Variants in RFPL1 observed in about 807,000 individuals in gnomAD.
The protein encoded by RFPL1 is ret finger protein-like 1.
RFPL1 carries 6 observed loss-of-function variants against 9.6 expected under a neutral mutation model. The observed-to-expected ratio is 0.62, with a 90% CI of 0.34 to 1.23. RFPL1 has a LOEUF of 1.23. RFPL1 is among the 50% of genes most tolerant of loss of function. The pLI, the probability that RFPL1 is intolerant of heterozygous loss-of-function variation, is 0.03. For missense variants in RFPL1, 352 were observed against 398.4 expected (o/e 0.88, Z 0.99); for synonymous variants, 145 against 149.4 (o/e 0.97, Z 0.22).
the RFPL1 span, among the ~76,000 whole-genome samples, chr22:29,389,654 C>A: frequency 3.4e-5 from 5 of 148,064 alleles, no homozygotes; most frequent in African/African-American, 1.2e-4. Context: ...CCACTGCACT[C>A]CAGCCTGGGC....
At chr22:29,426,777 G>A in the RFPL1 span, among the ~76,000 whole-genome samples, 1 of 152,046 alleles carries the variant, frequency 6.6e-6, no homozygotes, top group African/African-American at 2.4e-5. Context: ...ATTGTGGGTG[G>A]GTCAACATTA....
chr22:29,388,071 G>A, the RFPL1 span, among the ~76,000 whole-genome samples: 1 of 152,162 alleles, frequency 6.6e-6, no homozygotes, highest in Admixed American at 6.5e-5. Context: ...CCTGAACAAC[G>A]AGGAGGCCTC....
chr22:29,406,138 AAAAAAAAAT>A, the RFPL1 span, among the ~76,000 whole-genome samples: 384 of 68,484 alleles, frequency 5.6e-3, 25 homozygotes, highest in East Asian at 0.014. Flanking sequence ...AAAAAAAAAA[AAAAAAAAAT>A]AAAAAAAAAG....
the RFPL1 span, among the ~76,000 whole-genome samples, chr22:29,407,744 T>C: frequency 6.6e-6 from 1 of 152,228 alleles, no homozygotes; most frequent in Non-Finnish European, 1.5e-5. Flanking sequence ...TGACTCTTCT[T>C]AAACAGATAT....
chr22:29,406,541 C>G, the RFPL1 span, among the ~76,000 whole-genome samples: 1 of 152,288 alleles, frequency 6.6e-6, no homozygotes, highest in East Asian at 1.9e-4. Flanking sequence ...GGATCTGCTG[C>G]TTTTCTATAT....
rs1203825356 is a variant in RFPL1 at position 29,439,178 on chromosome 22, A to G, written c.373+14A>G. On this transcript the variant is annotated intron_variant, in intron 1 of 1. Transcript: ENST00000354373. ...GGAAGTTCCAAGGTGAGGGATCTGT[A>G]TACACTGCCCCCTTCCTACGACCAG... 1.6e-5 allele frequency: 26 copies of G among 1,610,206 alleles called. No homozygotes were observed. Among genetic ancestry groups the G allele is most frequent in the Non-Finnish European group, 2.1e-5 (25 of 1,177,774 alleles).
the RFPL1 span, among the ~76,000 whole-genome samples, chr22:29,404,117 AT>A: frequency 6.6e-6 from 1 of 151,858 alleles, no homozygotes; most frequent in African/African-American, 2.4e-5. Flanking sequence ...CTATGGAGTG[AT>A]TCCCAAGATA....
At chr22:29,420,479 T>G in the RFPL1 span, among the ~76,000 whole-genome samples, 1 of 151,818 alleles carries the variant, frequency 6.6e-6, no homozygotes, top group African/African-American at 2.4e-5. Flanking sequence ...TACAGGCACG[T>G]GCCGTCATGC....
chr22:29,428,829 G>A, the RFPL1 span, among the ~76,000 whole-genome samples: 1 of 152,160 alleles, frequency 6.6e-6, no homozygotes, highest in East Asian at 1.9e-4. Flanking sequence ...AATCTATGGT[G>A]TATAATAAAA....
the RFPL1 span, among the ~76,000 whole-genome samples, chr22:29,399,699 TC>T: frequency 6.6e-6 from 1 of 152,260 alleles, no homozygotes; most frequent in Non-Finnish European, 1.5e-5. Flanking sequence ...ACCGTTTTCC[TC>T]CTGTGATAAC....
At chr22:29,421,865 C>T in the RFPL1 span, among the ~76,000 whole-genome samples, 1 of 152,122 alleles carries the variant, frequency 6.6e-6, no homozygotes, top group Admixed American at 6.6e-5. Flanking sequence ...CCTTGAGCAA[C>T]ACCAGGTCAG....
the RFPL1 span, among the ~76,000 whole-genome samples, chr22:29,400,155 C>T: frequency 2.6e-5 from 4 of 151,992 alleles, no homozygotes; most frequent in Admixed American, 6.6e-5. Flanking sequence ...GCCACCGCTC[C>T]CGGCTAATTT....
chr22:29,405,269 G>A, the RFPL1 span, among the ~76,000 whole-genome samples: 89 of 152,150 alleles, frequency 5.8e-4, no homozygotes, highest in Non-Finnish European at 1.2e-3. Flanking sequence ...GTGTGCACAG[G>A]ACTGGGGGAC....
the RFPL1 span, among the ~76,000 whole-genome samples, chr22:29,416,089 G>A: frequency 6.6e-6 from 1 of 152,178 alleles, no homozygotes; most frequent in African/African-American, 2.4e-5. Context: ...GAGAATCCCT[G>A]TCCCCTTCCA....
At chr22:29,392,698 A>G in the RFPL1 span, among the ~76,000 whole-genome samples, 1 of 152,198 alleles carries the variant, frequency 6.6e-6, no homozygotes, top group African/African-American at 2.4e-5. Flanking sequence ...GTATTTAATC[A>G]GGAACTGCAG....
the RFPL1 span, among the ~76,000 whole-genome samples, chr22:29,400,234 G>A: frequency 6.6e-6 from 1 of 152,200 alleles, no homozygotes; most frequent in South Asian, 2.1e-4. Context: ...CTGACCTCAT[G>A]ATCCACCCGT....
chr22:29,429,339 C>A, the RFPL1 span, among the ~76,000 whole-genome samples: 1 of 152,292 alleles, frequency 6.6e-6, no homozygotes, highest in Non-Finnish European at 1.5e-5. Context: ...CAGGCATGAG[C>A]CACTGTTCTC....
At chr22:29,432,296 C>T in the RFPL1 span, among the ~76,000 whole-genome samples, 64,804 of 152,008 alleles carry the variant, frequency 0.43, 14,640 homozygotes, top group African/African-American at 0.57. Context: ...GCTCAGGTGA[C>T]AGTACTCTAA....
At chr22:29,441,624 C>A (rs1480840851) in exon 2 of RFPL1, 1 of 1,613,792 alleles carries the variant, frequency 6.2e-7, no homozygotes, top group African/African-American at 1.3e-5. Flanking sequence ...GTGGGTGCAT[C>A]ACACAGAATC....
Sources: allele counts gnomAD v4.1 joint callset (sites outside exome capture counted in the v4.1 genomes callset), GRCh38; gene constraint gnomAD v4.1.1; transcripts MANE v1.5; gene names NCBI Gene and HGNC (gene_info 2026-07-23, HGNC 2026-07-21).